The following EXOC4 variants were observed in gnomAD, a reference collection of about 807,000 sequenced individuals.
The protein encoded by EXOC4 is exocyst complex component 4.
EXOC4 carries 71 observed loss-of-function variants against 107.2 expected under a neutral mutation model. That is an observed-to-expected ratio of 0.66 (90% CI 0.55 to 0.81). The LOEUF (loss-of-function observed/expected upper bound fraction) is 0.81. Among genes scored for constraint, EXOC4 ranks in the 30% least tolerant of loss-of-function variants. EXOC4 has a pLI of 0.00. For missense variants in EXOC4, 1,108 were observed against 1,189.6 expected, an observed-to-expected ratio of 0.93 and a Z score of 1.01; for synonymous variants, 456 against 441.2, an observed-to-expected ratio of 1.03 and a Z score of -0.42.
chr7:133,684,749 C>T (rs1387968091), intron 10 of EXOC4, among the ~76,000 whole-genome samples: 2 of 152,118 alleles, frequency 1.3e-5, no homozygotes, highest in East Asian at 3.9e-4. Flanking sequence ...AAACTAAAAA[C>T]CAGAACAGTA....
intron 9 of EXOC4, among the ~76,000 whole-genome samples, chr7:133,501,114 A>G (rs1799567994): frequency 6.6e-6 from 1 of 152,202 alleles, no homozygotes; most frequent in African/African-American, 2.4e-5. Flanking sequence ...ATTAAAAATA[A>G]TGCTTACTAA....
At chr7:133,681,704 C>G (rs1268207935) in intron 10 of EXOC4, among the ~76,000 whole-genome samples, 1 of 151,766 alleles carries the variant, frequency 6.6e-6, no homozygotes, top group Non-Finnish European at 1.5e-5. Flanking sequence ...CACAGCCAAA[C>G]CATATCATGG....
At chr7:133,774,197 GA>G (rs1300331300) in intron 10 of EXOC4, among the ~76,000 whole-genome samples, 3 of 152,076 alleles carry the variant, frequency 2.0e-5, no homozygotes, top group African/African-American at 7.2e-5. Context: ...CATCCCCGAA[GA>G]GCCAGGCTGA....
At chr7:133,991,170 ATGT>A (rs1272362995) in intron 14 of EXOC4, among the ~76,000 whole-genome samples, 3 of 151,992 alleles carry the variant, frequency 2.0e-5, no homozygotes, top group Admixed American at 6.6e-5. Context: ...ATGATTAGTG[ATGT>A]TAAGCATTTT....
intron 7 of EXOC4, among the ~76,000 whole-genome samples, chr7:133,406,900 A>G (rs1018906213): frequency 2.0e-5 from 3 of 152,206 alleles, no homozygotes; most frequent in Non-Finnish European, 4.4e-5. Flanking sequence ...ACTGGTATTG[A>G]TGTCCTAAAG....
chr7:133,823,279 A>C (rs992647580), intron 11 of EXOC4, among the ~76,000 whole-genome samples: 1 of 152,098 alleles, frequency 6.6e-6, no homozygotes, highest in African/African-American at 2.4e-5. Flanking sequence ...TGCACTTTCC[A>C]CTTATATCTG....
chr7:133,602,776 C>T (rs1043055844), intron 9 of EXOC4, among the ~76,000 whole-genome samples: 3 of 152,218 alleles, frequency 2.0e-5, no homozygotes, highest in Non-Finnish European at 4.4e-5. Context: ...TTCTTCTTGA[C>T]AGGTGTGTTC....
At chr7:133,770,102 C>T (rs1300849565) in intron 10 of EXOC4, among the ~76,000 whole-genome samples, 2 of 151,724 alleles carry the variant, frequency 1.3e-5, no homozygotes, top group Non-Finnish European at 2.9e-5. Flanking sequence ...ATAGCTATTT[C>T]AGTAATGTCA....
chr7:133,535,763 C>CA (rs1465614420), intron 9 of EXOC4, among the ~76,000 whole-genome samples: 1 of 152,132 alleles, frequency 6.6e-6, no homozygotes, highest in Non-Finnish European at 1.5e-5. Flanking sequence ...CCACACATGT[C>CA]ATTTTCTTCC....
chr7:133,769,055 C>A (rs926354303), intron 10 of EXOC4, among the ~76,000 whole-genome samples: 1 of 151,952 alleles, frequency 6.6e-6, no homozygotes, highest in African/African-American at 2.4e-5. Flanking sequence ...GGCCGGTTAA[C>A]TTCTCTGAAC....
chr7:133,291,693 T>C (rs1044847665), intron 3 of EXOC4, among the ~76,000 whole-genome samples: 2 of 152,130 alleles, frequency 1.3e-5, no homozygotes, highest in Admixed American at 1.3e-4. Context: ...TGTTATGTGA[T>C]TTTTGATGCA....
At chr7:133,342,530 G>T (rs202185415) in intron 5 of EXOC4, among the ~76,000 whole-genome samples, 1 of 152,114 alleles carries the variant, frequency 6.6e-6, no homozygotes, top group Admixed American at 6.6e-5. Context: ...TGAATTTACT[G>T]TGTGTTCTTT....
intron 6 of EXOC4, among the ~76,000 whole-genome samples, chr7:133,362,739 T>C (rs1012738477): frequency 3.3e-5 from 5 of 152,184 alleles, no homozygotes; most frequent in African/African-American, 9.7e-5. Flanking sequence ...GAAGGAGAAA[T>C]AAATGAAATA....
At chr7:133,367,341 G>A (rs1796269933) in intron 6 of EXOC4, among the ~76,000 whole-genome samples, 1 of 152,168 alleles carries the variant, frequency 6.6e-6, no homozygotes, top group South Asian at 2.1e-4. Flanking sequence ...CAGAAGAGTG[G>A]AGGGTTGTGG....
chr7:133,910,026 C>G (rs1423613719), intron 12 of EXOC4, among the ~76,000 whole-genome samples: 1 of 145,994 alleles, frequency 6.8e-6, no homozygotes, highest in Non-Finnish European at 1.5e-5. Flanking sequence ...CAGGTTCAAG[C>G]AATTCTCCTG....
At chr7:133,609,995 A>C (rs1166903739) in intron 9 of EXOC4, among the ~76,000 whole-genome samples, 1 of 152,216 alleles carries the variant, frequency 6.6e-6, no homozygotes, top group Admixed American at 6.5e-5. Context: ...ATTGTTCTGT[A>C]ATCTTAGTCT....
At chr7:133,811,762 G>A (rs140286958) in intron 10 of EXOC4, among the ~76,000 whole-genome samples, 1 of 152,280 alleles carries the variant, frequency 6.6e-6, no homozygotes, top group Non-Finnish European at 1.5e-5. Context: ...GTTTACATTC[G>A]AATGGTGGAG....
intron 7 of EXOC4, among the ~76,000 whole-genome samples, chr7:133,474,826 G>T (rs1266343270): frequency 6.6e-6 from 1 of 152,012 alleles, no homozygotes; most frequent in Non-Finnish European, 1.5e-5. Flanking sequence ...CACTTTACAG[G>T]TCTTGAACCT....
chr7:133,594,648 C>T (rs995296591), intron 9 of EXOC4, among the ~76,000 whole-genome samples: 1 of 151,928 alleles, frequency 6.6e-6, no homozygotes, highest in African/African-American at 2.4e-5. Flanking sequence ...TGCATGCCAC[C>T]ACGCCCAGCT....
Sources: gnomAD v4.1 joint callset for allele counts (sites outside exome capture counted in the v4.1 genomes callset) on GRCh38, gnomAD v4.1.1 for gene constraint, MANE v1.5 for transcripts, NCBI Gene and HGNC (gene_info 2026-07-23, HGNC 2026-07-21) for gene names.